CELF2: variants seen among roughly 807,000 people sequenced by gnomAD.
CELF2 encodes CUG triplet repeat RNA-binding protein 2.
In CELF2, 8 loss-of-function variants were observed where a neutral mutation model predicts 62.6. That is an observed-to-expected ratio of 0.13 (90% CI 0.07 to 0.23). The LOEUF is 0.23. Ranked by LOEUF, CELF2 falls within the 10% of genes least tolerant of loss-of-function variation. CELF2 has a pLI of 1.00. For synonymous variants in CELF2, 258 were observed against 250.0 expected (o/e 1.03, Z -0.30); for missense variants, 333 against 671.0 (o/e 0.50, Z 5.56).
chr10:11,273,483 G>A (rs2084674007), intron 7 of CELF2, among the ~76,000 whole-genome samples: 1 of 152,132 alleles, frequency 6.6e-6, no homozygotes, highest in South Asian at 2.1e-4. Flanking sequence ...CTGGTCTGGT[G>A]GGAAAATTGT....
the CELF2 span, among the ~76,000 whole-genome samples, chr10:10,613,948 AT>A: frequency 5.3e-5 from 8 of 152,092 alleles, 1 homozygote; most frequent in Middle Eastern, 0.01. Flanking sequence ...CAAGGGCTGG[AT>A]TTTTTTTATT....
the CELF2 span, among the ~76,000 whole-genome samples, chr10:10,479,091 C>A: frequency 6.6e-6 from 1 of 152,076 alleles, no homozygotes; most frequent in African/African-American, 2.4e-5. Context: ...CTCTTAGAAT[C>A]TGAGATAGAT....
chr10:10,922,256 C>A (rs901536031), intron 2 of CELF2, among the ~76,000 whole-genome samples: 6 of 152,108 alleles, frequency 3.9e-5, no homozygotes, highest in Admixed American at 3.9e-4. Context: ...GTTTGTGTCT[C>A]CCCGCTAAAA....
the CELF2 span, among the ~76,000 whole-genome samples, chr10:10,513,579 G>A: frequency 2.0e-5 from 3 of 151,816 alleles, no homozygotes; most frequent in East Asian, 5.8e-4. Flanking sequence ...TTTTATCCCA[G>A]GGCTTCAAGA....
intron 1 of CELF2, chr10:10,919,844 T>C (rs1376093579): frequency 5.5e-6 from 3 of 549,760 alleles, no homozygotes; most frequent in Non-Finnish European, 8.2e-6. Context: ...TCTAACCACC[T>C]GCATGTACGG....
the CELF2 span, among the ~76,000 whole-genome samples, chr10:10,698,658 C>G: frequency 6.6e-6 from 1 of 152,192 alleles, no homozygotes; most frequent in Non-Finnish European, 1.5e-5. Context: ...TCCCAGCTGA[C>G]TTCTGCTTTA....
intron 1 of CELF2, among the ~76,000 whole-genome samples, chr10:11,079,792 G>T: frequency 6.9e-6 from 1 of 145,790 alleles, no homozygotes; most frequent in East Asian, 2.1e-4. Flanking sequence ...GATGAAAAGA[G>T]AAGTTGTCAC....
chr10:10,916,752 ACAGGCGCGTGC>A (rs2064368100), intron 1 of CELF2, among the ~76,000 whole-genome samples: 1 of 152,100 alleles, frequency 6.6e-6, no homozygotes, highest in Non-Finnish European at 1.5e-5. Context: ...AGCTGGGATT[ACAGGCGCGTGC>A]CAGCACACCC....
the CELF2 span, chr10:10,786,726 T>G: frequency 2.0e-5 from 3 of 152,146 alleles, no homozygotes; most frequent in African/African-American, 7.2e-5. Context: ...CCATCTCACT[T>G]GAAGAGGTGC....
chr10:10,863,661 A>T (rs2060180351), intron 1 of CELF2, among the ~76,000 whole-genome samples: 1 of 152,180 alleles, frequency 6.6e-6, no homozygotes, highest in East Asian at 1.9e-4. Context: ...AACCTAATAG[A>T]TTAAGTGGAG....
rs2061425975 is a variant in CELF2 at position 11,039,186 on chromosome 10, G to A, written c.74+21023G>A. On this transcript the variant is annotated intron_variant, in intron 1 of 12. Transcript: ENST00000633077. The surrounding 1 kb of genome is among the most constrained non-coding windows in gnomAD (Gnocchi z 4.1). ...CTGAGAGCAGAAACCGTGATGCAGT[G>A]AGCCTTCTGCCCACAACACTTCGTG... is the stretch of plus-strand genomic sequence containing the variant. 6.6e-6 allele frequency among the ~76,000 whole-genome samples: 1 copy of A among 152,204 alleles called. No individual in the cohort carries two copies. Among genetic ancestry groups the A allele is most frequent in the Non-Finnish European group, 1.5e-5 (1 of 68,026 alleles).
chr10:10,535,776 G>A, the CELF2 span, among the ~76,000 whole-genome samples: 1 of 152,046 alleles, frequency 6.6e-6, no homozygotes, highest in Admixed American at 6.5e-5. Context: ...CATTTGGCTT[G>A]GGGGACCTTA....
At chr10:10,783,261 T>C in the CELF2 span, among the ~76,000 whole-genome samples, 1 of 152,116 alleles carries the variant, frequency 6.6e-6, no homozygotes, top group African/African-American at 2.4e-5. Context: ...TTGAGGTCAT[T>C]AGGGAGAGCC....
chr10:10,902,836 G>A (rs986193053), intron 1 of CELF2, among the ~76,000 whole-genome samples: 1 of 145,040 alleles, frequency 6.9e-6, no homozygotes, highest in Non-Finnish European at 1.5e-5. Context: ...AGATGGAGAG[G>A]AGAGAGACAA....
At chr10:10,812,946 A>G (rs188477758) in intron 1 of CELF2, among the ~76,000 whole-genome samples, 1 of 152,344 alleles carries the variant, frequency 6.6e-6, no homozygotes, top group East Asian at 1.9e-4. Context: ...GAGATATTGA[A>G]CCAGGATTGC....
chr10:10,667,633 TGGAAACGTTCTCCCGTGTGTG>T, the CELF2 span, among the ~76,000 whole-genome samples: 5 of 152,330 alleles, frequency 3.3e-5, no homozygotes, highest in African/African-American at 1.2e-4. Flanking sequence ...TTTTGGATCT[TGGAAACGTTCTCCCGTGTGTG>T]GGCTTATGCA....
chr10:10,711,710 C>T, the CELF2 span, among the ~76,000 whole-genome samples: 7 of 151,892 alleles, frequency 4.6e-5, no homozygotes, highest in East Asian at 3.9e-4. Flanking sequence ...GGTGAAACTC[C>T]GTCTCTACTA....
Position 10,944,822 on chromosome 10 carries a change from C to G in CELF2, c.89+24823C>G, listed in dbSNP as rs535078256. 5.9e-5 allele frequency among the ~76,000 whole-genome samples: 9 copies of G among 152,170 alleles called. No individual in the cohort carries two copies. The East Asian group carries it at 1.7e-3, about 29-fold the overall frequency. On this transcript the variant is annotated intron_variant, in intron 2 of 13. Transcript: ENST00000636488. ...TTCGCCACATTGGCCAGGCTGGTCC[C>G]GAACAACTGAACTCAGGTGAGCTGC...
chr10:11,058,668 G>T (rs892554751), intron 1 of CELF2, among the ~76,000 whole-genome samples: 1 of 151,886 alleles, frequency 6.6e-6, no homozygotes, highest in African/African-American at 2.4e-5. Flanking sequence ...GGGTTTCACC[G>T]TGTTGGCCAG....
Sources: allele counts gnomAD v4.1 joint callset (sites outside exome capture counted in the v4.1 genomes callset), GRCh38; gene constraint gnomAD v4.1.1; non-coding constraint Gnocchi (gnomAD v3.1); transcripts MANE v1.5; gene names NCBI Gene and HGNC (gene_info 2026-07-23, HGNC 2026-07-21).